Variants in FDX2 observed in about 807,000 individuals in gnomAD.
The protein encoded by FDX2 is ferredoxin 2, also known as ferredoxin-2, mitochondrial.
FDX2 carries 13 observed loss-of-function variants against 18.5 expected under a neutral mutation model. The ratio of observed to expected loss-of-function variants is 0.70; its 90% CI spans 0.46 to 1.12. The LOEUF is 1.12. Among genes scored for constraint, FDX2 ranks in the 50% most tolerant of loss-of-function variants. The pLI, the probability that FDX2 is intolerant of heterozygous loss-of-function variation, is 0.00. For missense variants in FDX2, 238 were observed against 250.4 expected (o/e 0.95, Z 0.34); for synonymous variants, 132 against 106.2 (o/e 1.24, Z -1.49).
chr19:10,311,736 C>T (rs2040326980), intron 3 of FDX2, among the ~76,000 whole-genome samples: 1 of 144,794 alleles, frequency 6.9e-6, no homozygotes, highest in South Asian at 2.2e-4. Context: ...CAGGGTCTCA[C>T]TCTGTTGCCC....
intron 3 of FDX2, 105 bp from the exon 4 acceptor site, chr19:10,311,045 C>T (rs916448790): frequency 1.1e-5 from 8 of 750,070 alleles, no homozygotes; most frequent in African/African-American, 3.5e-5. Flanking sequence ...ACGTGCCTCA[C>T]GTCTCCCTCC....
intron 3 of FDX2, among the ~76,000 whole-genome samples, chr19:10,314,678 T>C (rs546404328): frequency 1.2e-4 from 19 of 152,228 alleles, no homozygotes; most frequent in Admixed American, 6.5e-4. Context: ...GTTAGGGACA[T>C]GACATTTACA....
rs2040371342 is a variant in FDX2 at position 10,315,402 on chromosome 19, G to T, written c.300C>A (p.His100Gln). The change falls in exon 3 of 5, where the codon CAC (histidine) becomes CAA (glutamine). Residue 100 changes from histidine (H) to glutamine (Q), a missense_variant. By Grantham distance (24) the His-to-Gln change is conservative. Coordinates refer to ENST00000393708, the MANE Select transcript of FDX2 (RefSeq NM_001031734.4). ...GGTTCCTACCTTCCAGGTCCACCCC[G>T]TGGCGCTGGGCCAGGTGAAGAACAT... is the stretch of plus-strand genomic sequence containing the variant. 1 of 1,562,070 alleles carries T rather than the reference G, an allele frequency of 6.4e-7. No individual in the cohort carries two copies. The highest frequency in any genetic ancestry group is 1.5e-5 in the African/African-American group (1 of 68,936).
intron 3 of FDX2, among the ~76,000 whole-genome samples, chr19:10,313,874 C>T (rs536162391): frequency 7.4e-5 from 11 of 149,160 alleles, no homozygotes; most frequent in African/African-American, 2.5e-4. Context: ...TTATTAGAGA[C>T]GGGGTTTCAC....
chr19:10,315,955 A>G lies in FDX2; in HGVS notation c.51T>C (p.Val17=). 1 of 1,606,056 alleles carries G rather than the reference A, an allele frequency of 6.2e-7. No homozygotes were observed. The highest frequency in any genetic ancestry group is 8.5e-7 in the Non-Finnish European group (1 of 1,176,836). ...AGGTGCCCCTGGCAGCCTGCAGTAG[A>G]ACCCTGGCACTCACGCCTCCCCGGG... is the stretch of plus-strand genomic sequence containing the variant. The change falls in exon 1 of 5, where the codon GTT becomes GTC. Residue 17 remains valine (V), a synonymous_variant. Transcript: ENST00000393708.
In FDX2 at chr19:10,315,989, G is replaced by A; in HGVS notation, c.17C>T (p.Ala6Val). 1 of 1,604,742 alleles carries A rather than the reference G, an allele frequency of 6.2e-7. No homozygotes were observed. Among genetic ancestry groups the A allele is most frequent in the East Asian group, 2.2e-5 (1 of 44,820 alleles). Residue 6 changes from alanine (A) to valine (V), a missense_variant, in exon 1 of 5, where the codon GCC becomes GTC. Physicochemically the swap from Ala to Val is moderately conservative, Grantham distance 64. Coordinates refer to ENST00000393708, the MANE Select transcript of FDX2 (RefSeq NM_001031734.4). Reference sequence around the variant, plus strand: ...ACTCACGCCTCCCCGGGCCATGGAGGCGGCCATGACATGCATCACGTGACT... The same window carrying A: ...ACTCACGCCTCCCCGGGCCATGGAGACGGCCATGACATGCATCACGTGACT...
At chr19:10,311,188 G>A (rs1270724691) in intron 3 of FDX2, among the ~76,000 whole-genome samples, 2 of 152,116 alleles carry the variant, frequency 1.3e-5, no homozygotes, top group African/African-American at 2.4e-5. Flanking sequence ...TCCCTAGCAG[G>A]CTGAGATGCA....
rs769143807 is a variant in FDX2, at chr19:10,315,866, T to C, written c.140A>G (p.Lys47Arg). The C allele has an allele frequency of 6.9e-5, 111 of 1,599,984 alleles. No homozygotes were observed. Among genetic ancestry groups the C allele is most frequent in the Non-Finnish European group, 9.1e-5 (107 of 1,175,524 alleles). Residue 47 changes from lysine (K) to arginine (R), a missense_variant, in exon 1 of 5, where the codon AAG becomes AGG. Transcript: ENST00000393708. The stretch of plus-strand genomic sequence containing the variant: ...GCCCCAGGTACCTGTCGCTTGAAAC[T>C]TTCTGGTTGTCCCCAGCGCCACCCC...
chr19:10,315,338 T>TTTG, intron 3 of FDX2, 48 bp downstream of exon 3: 4 of 1,032,662 alleles, frequency 3.9e-6, no homozygotes, highest in Non-Finnish European at 4.1e-6. Flanking sequence ...TTTTTTTTTT[T>TTTG]GGACAAATGT....
In FDX2 at chr19:10,310,317, C is replaced by G; in HGVS notation, c.*169G>C. ...GGCCACCCCACTAGGGGCCCTGTCC[C>G]CACCAGAGCCTGGACATGGGACTCT... is the stretch of plus-strand genomic sequence containing the variant. On this transcript the variant is annotated 3_prime_UTR_variant, in exon 5 of 5. Coordinates refer to ENST00000393708, the MANE Select transcript of FDX2 (RefSeq NM_001031734.4). The G allele has an allele frequency of 1.0e-6, 1 of 987,622 alleles. No individual in the cohort carries two copies. Among genetic ancestry groups the G allele is most frequent in the Non-Finnish European group, 1.5e-6 (1 of 679,834 alleles). 61.2% of individuals were successfully genotyped at this position (987,622 alleles called of 1,614,324 possible).
At chr19:10,315,004 G>A (rs959256244) in intron 3 of FDX2, among the ~76,000 whole-genome samples, 7 of 152,190 alleles carry the variant, frequency 4.6e-5, no homozygotes, top group Admixed American at 1.3e-4. Flanking sequence ...TGGAGGCTGG[G>A]GCAGGAGAAA....
Position 10,315,486 on chromosome 19 carries a change from G to A in FDX2, c.216C>T (p.Asn72=), listed in dbSNP as rs748221418. The stretch of plus-strand genomic sequence containing the variant: ...GGCCTGAGCGGTCTACGAACACCAC[G>A]TTCACCCTGGGGACAGATGGAAGTG... Residue 72 remains asparagine (N), a synonymous_variant, in exon 3 of 5, where the codon AAC becomes AAT. Transcript: ENST00000393708. 28 of 1,613,572 alleles carry A rather than the reference G, an allele frequency of 1.7e-5. No homozygotes were observed. In the South Asian group the frequency reaches 3.0e-4, roughly 17 times the overall value.
intron 2 of FDX2, 96 bp downstream of exon 2, chr19:10,315,609 G>T: frequency 6.6e-7 from 1 of 1,516,120 alleles, no homozygotes; most frequent in Non-Finnish European, 8.9e-7. Context: ...ATAGGGCAAA[G>T]CAGAAGGGGG....
At chr19:10,313,650 C>CACATAT (rs1555710603) in intron 3 of FDX2, among the ~76,000 whole-genome samples, 1 of 30,524 alleles carries the variant, frequency 3.3e-5, no homozygotes, top group Non-Finnish European at 5.4e-5. Context: ...TGGTTAAAGA[C>CACATAT]ATATATATAT....
chr19:10,312,247 TCAAG>T (rs2040332710), intron 3 of FDX2, among the ~76,000 whole-genome samples: 1 of 134,532 alleles, frequency 7.4e-6, no homozygotes, highest in African/African-American at 2.8e-5. Context: ...ACTCCTAAGC[TCAAG>T]CAATCTGCCT....
intron 3 of FDX2, 48 bp downstream of exon 3, chr19:10,315,338 T>TTTTTTGACAAATGGATAAG: frequency 9.7e-7 from 1 of 1,032,662 alleles, no homozygotes; most frequent in Non-Finnish European, 1.4e-6. Flanking sequence ...TTTTTTTTTT[T>TTTTTTGACAAATGGATAAG]GGACAAATGT....
In FDX2 at chr19:10,315,709, C is replaced by G. The variant is rs577610032; in HGVS notation, c.205G>C (p.Asp69His). 3 of 1,550,460 alleles carry G rather than the reference C, an allele frequency of 1.9e-6. No individual in the cohort carries two copies. In the South Asian group the frequency reaches 3.6e-5, roughly 18 times the overall value. ...GACTTGGCCCCCTGCACTCACACGT[C>G]CCCGGGCCGCTCCGGGCCGCCCGCG... Residue 69 changes from aspartate (D) to histidine (H), a missense_variant, in exon 2 of 5, where the codon GAC becomes CAC. Transcript: ENST00000393708.
At position 10,310,151 on chromosome 19, in the gene FDX2, G is replaced by T; in HGVS notation, c.*335C>A. ...CCATCTTGGCTTCCCAAAGTGCTAG[G>T]ATTACAGGTGTGAGCCACCTGTAGA... is the stretch of plus-strand genomic sequence containing the variant. On this transcript the variant is annotated 3_prime_UTR_variant, in exon 5 of 5. Coordinates refer to ENST00000393708, the MANE Select transcript of FDX2 (RefSeq NM_001031734.4). The T allele has an allele frequency of 3.3e-6, 1 of 300,668 alleles. No individual in the cohort carries two copies. Among genetic ancestry groups the T allele is most frequent in the South Asian group, 4.9e-5 (1 of 20,254 alleles). 18.6% of individuals were successfully genotyped at this position (300,668 alleles called of 1,614,324 possible). A position where few individuals can be genotyped will look rare whatever the true frequency, so the allele number is the denominator to read the frequency against.
In FDX2 at chr19:10,310,440, C is replaced by A. The variant is rs1312423622; in HGVS notation, c.*46G>T. On this transcript the variant is annotated 3_prime_UTR_variant, in exon 5 of 5. Coordinates refer to ENST00000393708, the MANE Select transcript of FDX2 (RefSeq NM_001031734.4). Reference sequence around the variant, plus strand: ...GCTGGCACCTGGCTATTCCCTCAATCTGGGCCCTGGGGCCATGGCAATGTG... The same window carrying A: ...GCTGGCACCTGGCTATTCCCTCAATATGGGCCCTGGGGCCATGGCAATGTG... 1.2e-6 allele frequency: 2 copies of A among 1,612,578 alleles called. No homozygotes were observed. Among genetic ancestry groups the A allele is most frequent in the Non-Finnish European group, 1.7e-6 (2 of 1,178,860 alleles).
Sources: gnomAD v4.1 joint callset for allele counts (sites outside exome capture counted in the v4.1 genomes callset) on GRCh38, gnomAD v4.1.1 for gene constraint, MANE v1.5 for transcripts, NCBI Gene and HGNC (gene_info 2026-07-23, HGNC 2026-07-21) for gene names.